SLC2A5: variants seen among roughly 807,000 people sequenced by gnomAD.
The protein encoded by SLC2A5 is solute carrier family 2 member 5.
A neutral mutation model predicts 50.3 loss-of-function variants in SLC2A5; 56 were observed. The ratio of observed to expected loss-of-function variants is 1.11; its 90% CI spans 0.90 to 1.39. The LOEUF is 1.39. SLC2A5 is among the 40% of genes most tolerant of loss of function. The pLI is 0.00. For missense variants in SLC2A5, 566 were observed against 650.1 expected (o/e 0.87, Z 1.41); for synonymous variants, 269 against 281.9 (o/e 0.95, Z 0.46).
intron 3 of SLC2A5, among the ~76,000 whole-genome samples, chr1:9,052,364 T>C (rs1641601550): frequency 6.6e-6 from 1 of 152,154 alleles, no homozygotes; most frequent in Non-Finnish European, 1.5e-5. Context: ...ACTATGGAGA[T>C]AGTAGAAGGA....
intron 2 of SLC2A5, among the ~76,000 whole-genome samples, chr1:9,080,477 T>C (rs552802749): frequency 6.6e-6 from 1 of 152,248 alleles, no homozygotes; most frequent in Non-Finnish European, 1.5e-5. Flanking sequence ...CAGCACTTGT[T>C]ATTTTCTGGG....
intron 3 of SLC2A5, among the ~76,000 whole-genome samples, chr1:9,050,277 CA>C (rs34430168): frequency 7.5e-4 from 105 of 139,558 alleles, no homozygotes; most frequent in Admixed American, 8.7e-4. Context: ...GACTCTGTCT[CA>C]AAAAAAAAAA....
chr1:9,060,130 AAC>A (rs796904630), intron 1 of SLC2A5, among the ~76,000 whole-genome samples: 8 of 92,484 alleles, frequency 8.7e-5, no homozygotes, highest in African/African-American at 2.4e-4. Context: ...ACACACACAC[AAC>A]ACACACACTA....
intron 3 of SLC2A5, among the ~76,000 whole-genome samples, chr1:9,056,044 G>A (rs755481390): frequency 6.6e-6 from 1 of 152,208 alleles, no homozygotes; most frequent in Admixed American, 6.5e-5. Context: ...GCCAAGCGGC[G>A]TGCTCTTAAC....
At chr1:9,080,838 C>T (rs1327837646) in intron 2 of SLC2A5, among the ~76,000 whole-genome samples, 2 of 152,144 alleles carry the variant, frequency 1.3e-5, no homozygotes, top group Admixed American at 6.5e-5. Flanking sequence ...ACCTTTAATC[C>T]CTCTCGCCTG....
At position 9,040,340 on chromosome 1, in the gene SLC2A5, G is replaced by A. The variant is rs1234414531; in HGVS notation, c.572-151C>T. The A allele has an allele frequency of 8.7e-6, 8 of 920,272 alleles. No individual in the cohort carries two copies. The highest frequency in any genetic ancestry group is 1.7e-5 in the African/African-American group (1 of 59,460). 57.0% of individuals were successfully genotyped at this position (920,272 alleles called of 1,614,324 possible). On this transcript the variant is annotated intron_variant, in intron 5 of 11. Transcript: ENST00000377424. This position sits in a 1 kb window ranked among gnomAD's most constrained non-coding sequence, Gnocchi z 4.3. Reference sequence around the variant, plus strand: ...AGCCCTAAGAACAGCAACTCCCGACGGTGGACACTCGGGAAACACCTGCAG... The same window carrying A: ...AGCCCTAAGAACAGCAACTCCCGACAGTGGACACTCGGGAAACACCTGCAG...
At chr1:9,082,787 TC>T in intron 2 of SLC2A5, 1 of 426,926 alleles carries the variant, frequency 2.3e-6, no homozygotes, top group South Asian at 1.8e-5. Flanking sequence ...TAAAGTAAAT[TC>T]CCAGAAGTCT....
chr1:9,045,785 A>G (rs1275944257), intron 4 of SLC2A5, among the ~76,000 whole-genome samples: 1 of 149,974 alleles, frequency 6.7e-6, no homozygotes, highest in Non-Finnish European at 1.5e-5. Flanking sequence ...TAGGAGAATC[A>G]GTTGAACCCG....
At position 9,084,074 on chromosome 1, in the gene SLC2A5, G is replaced by A. The variant is rs571311099; in HGVS notation, c.-59+940C>T. Among the ~76,000 whole-genome samples, 487 of 152,148 alleles carry A rather than the reference G, an allele frequency of 3.2e-3. 7 individuals are homozygous for A. Among genetic ancestry groups the A allele is most frequent in the African/African-American group, 0.011 (451 of 41,520 alleles). ...CAGGAGCATGGCGTGAACCTGGGAGGCGGAGATTGCAGTGAGCCGAGATAG... is the reference window on the plus strand; with the variant it reads ...CAGGAGCATGGCGTGAACCTGGGAGACGGAGATTGCAGTGAGCCGAGATAG... On this transcript the variant is annotated intron_variant, in intron 2 of 5. Transcript: ENST00000464985.
At chr1:9,058,826 G>A (rs1245778011) in intron 1 of SLC2A5, among the ~76,000 whole-genome samples, 1 of 152,182 alleles carries the variant, frequency 6.6e-6, no homozygotes, top group African/African-American at 2.4e-5. Flanking sequence ...AATCTTTAAT[G>A]ACAAGAGGAA....
chr1:9,051,914 A>G lies in SLC2A5; in HGVS notation c.294-4180T>C, dbSNP rs147550447. Reference sequence around the variant, plus strand: ...AGATGTCCTCTGGTACTGAACCGATAAAGTGTGGTACAACCAGACAATGAA... The same window carrying G: ...AGATGTCCTCTGGTACTGAACCGATGAAGTGTGGTACAACCAGACAATGAA... On this transcript the variant is annotated intron_variant, in intron 3 of 11. Transcript: ENST00000377424. Among the ~76,000 whole-genome samples the G allele has an allele frequency of 1.7e-3, 254 of 152,324 alleles. 1 individual carries two copies. The highest frequency in any genetic ancestry group is 2.7e-3 in the Non-Finnish European group (186 of 68,026).
intron 3 of SLC2A5, among the ~76,000 whole-genome samples, chr1:9,053,211 ATATATTATATATT>A (rs1478329038): frequency 1.2e-3 from 84 of 72,518 alleles, no homozygotes; most frequent in African/African-American, 3.9e-3. Context: ...TATTATATTT[ATATATTATATATT>A]TATATTATAT....
At chr1:9,060,635 A>T (rs1641913709) in intron 1 of SLC2A5, among the ~76,000 whole-genome samples, 2 of 109,618 alleles carry the variant, frequency 1.8e-5, no homozygotes, top group Non-Finnish European at 3.7e-5. Context: ...ACATACACAC[A>T]TACAGCCCAC....
chr1:9,085,524 C>G (rs1642392838), intron 1 of SLC2A5, among the ~76,000 whole-genome samples: 1 of 152,202 alleles, frequency 6.6e-6, no homozygotes, highest in Admixed American at 6.5e-5. Flanking sequence ...TTTTAGCTAG[C>G]AGGCTTCAGA....
chr1:9,042,689 G>A (rs1641337124), intron 4 of SLC2A5, among the ~76,000 whole-genome samples: 1 of 151,284 alleles, frequency 6.6e-6, no homozygotes, highest in South Asian at 2.1e-4. Flanking sequence ...GCATGTGTAT[G>A]TGTATGTATA....
At chr1:9,048,732 TG>T (rs1232549560) in intron 3 of SLC2A5, among the ~76,000 whole-genome samples, 1 of 152,066 alleles carries the variant, frequency 6.6e-6, no homozygotes, top group Non-Finnish European at 1.5e-5. Context: ...CGCAGCTCAC[TG>T]TAACCTCGGT....
intron 1 of SLC2A5, among the ~76,000 whole-genome samples, chr1:9,062,197 A>C (rs545763283): frequency 2.0e-5 from 3 of 152,346 alleles, no homozygotes; most frequent in Admixed American, 2.0e-4. Flanking sequence ...AGCTGCCCCC[A>C]GCAGACTATT....
chr1:9,070,192 T>C (rs187967349), upstream of SLC2A5, among the ~76,000 whole-genome samples: 15 of 146,254 alleles, frequency 1.0e-4, no homozygotes, highest in Admixed American at 9.8e-4. Flanking sequence ...GCGATTCTCC[T>C]GCTTCCACCT....
chr1:9,057,321 AAAAAAG>A, intron 3 of SLC2A5, 121 bp downstream of exon 3: 1 of 514,768 alleles, frequency 1.9e-6, no homozygotes, highest in Non-Finnish European at 3.1e-6. Flanking sequence ...AAAAAGAAAG[AAAAAAG>A]AAAAATGACC....
Sources: gnomAD v4.1 joint callset for allele counts (sites outside exome capture counted in the v4.1 genomes callset) on GRCh38, gnomAD v4.1.1 for gene constraint, Gnocchi (gnomAD v3.1) non-coding constraint, MANE v1.5 for transcripts, NCBI Gene and HGNC (gene_info 2026-07-23, HGNC 2026-07-21) for gene names.